The following HIVEP3 variants were observed in gnomAD, a reference collection of about 807,000 sequenced individuals.
HIVEP3 encodes the protein HIVEP zinc finger 3.
A neutral mutation model predicts 152.8 loss-of-function variants in HIVEP3; 49 were observed. The ratio of observed to expected loss-of-function variants is 0.32; its 90% CI spans 0.26 to 0.41. The LOEUF is 0.41. Ranked by LOEUF, HIVEP3 falls within the 10% of genes least tolerant of loss-of-function variation. The pLI, the probability that HIVEP3 is intolerant of heterozygous loss-of-function variation, is 1.00. For synonymous variants in HIVEP3, 1,269 were observed against 1,289.0 expected (o/e 0.98, Z 0.33); for missense variants, 2,790 against 3,103.3 (o/e 0.90, Z 2.40).
At chr1:41,888,880 TCACACACATACCCCA>T (rs1644397987) in intron 1 of HIVEP3, among the ~76,000 whole-genome samples, 1 of 101,242 alleles carries the variant, frequency 9.9e-6, no homozygotes, top group African/African-American at 3.9e-5. Context: ...ACCACATACC[TCACACACATACCCCA>T]CACACGTACA....
intron 7 of HIVEP3, among the ~76,000 whole-genome samples, chr1:41,514,580 T>C (rs1465638695): frequency 6.6e-6 from 1 of 152,216 alleles, no homozygotes; most frequent in East Asian, 1.9e-4. Context: ...CGCTCTTATC[T>C]GAGGAGCCAC....
chr1:41,597,328 A>T (rs1644681638), intron 3 of HIVEP3, among the ~76,000 whole-genome samples: 1 of 152,222 alleles, frequency 6.6e-6, no homozygotes, highest in African/African-American at 2.4e-5. Context: ...GCAATGATGT[A>T]GCAAAAACTC....
intron 1 of HIVEP3, among the ~76,000 whole-genome samples, chr1:41,852,649 A>G (rs112076406): frequency 0.014 from 2,109 of 152,288 alleles, 49 homozygotes; most frequent in African/African-American, 0.048. Context: ...CTCAGTCTTC[A>G]TGGGCTGCAC....
At chr1:42,027,988 G>A (rs918369979) in intron 1 of HIVEP3, among the ~76,000 whole-genome samples, 2 of 151,986 alleles carry the variant, frequency 1.3e-5, no homozygotes, top group Non-Finnish European at 2.9e-5. Context: ...ATATCAGTAG[G>A]GAATGCTCCA....
In HIVEP3 at chr1:41,635,619, TACATAC is replaced by T. The variant is rs1645261512; in HGVS notation, c.-720-6678_-720-6673del. On this transcript the variant is annotated intron_variant, in intron 2 of 8. Coordinates refer to ENST00000372583, the MANE Select transcript of HIVEP3 (RefSeq NM_024503.5). Reference sequence around the variant, plus strand: ...ATACGTATGTATATATACATACATATACATACGTATGTATATATACATACATATACA... The same window carrying T: ...ATACGTATGTATATATACATACATATGTATGTATATATACATACATATACA... Among the ~76,000 whole-genome samples the T allele has an allele frequency of 6.9e-5, 2 of 28,804 alleles. 1 individual carries two copies. Among genetic ancestry groups the T allele is most frequent in the African/African-American group, 7.6e-4 (2 of 2,638 alleles). 18.9% of individuals were successfully genotyped at this position (28,804 alleles called of 152,430 possible).
rs377344776 is a variant in HIVEP3 at position 41,566,806 on chromosome 1, C to T, written c.5207+8738G>A. 3.3e-4 allele frequency among the ~76,000 whole-genome samples: 50 copies of T among 152,240 alleles called. 2 individuals are homozygous for T. The East Asian group carries it at 3.5e-3, about 11-fold the overall frequency. On this transcript the variant is annotated intron_variant, in intron 5 of 8. Coordinates refer to ENST00000372583, the MANE Select transcript of HIVEP3 (RefSeq NM_024503.5). ...GCTGGGTCTCTTCCTGCTTCTCTGGCGATTCCTCCTCAATCTCTTCTGCAG... is the reference window on the plus strand; with the variant it reads ...GCTGGGTCTCTTCCTGCTTCTCTGGTGATTCCTCCTCAATCTCTTCTGCAG...
intron 1 of HIVEP3, among the ~76,000 whole-genome samples, chr1:41,704,908 G>A (rs1646411499): frequency 6.6e-6 from 1 of 152,190 alleles, no homozygotes; most frequent in Non-Finnish European, 1.5e-5. Flanking sequence ...TTATTTTAGA[G>A]CCTACCTTAT....
rs1259400571 is a variant in HIVEP3, at chr1:41,734,021, A to G, written c.-800-33026T>C. On this transcript the variant is annotated intron_variant, in intron 1 of 8. Coordinates refer to ENST00000372583, the MANE Select transcript of HIVEP3 (RefSeq NM_024503.5). The stretch of plus-strand genomic sequence containing the variant: ...TCCCCTTCCTGCCTGGCTGCTGTGC[A>G]AGGTGCAACTCAGCCCTCACCCCCT... 6.0e-5 allele frequency among the ~76,000 whole-genome samples: 9 copies of G among 149,686 alleles called. No individual in the cohort carries two copies. The East Asian group carries it at 1.8e-3, about 29-fold the overall frequency.
intron 1 of HIVEP3, among the ~76,000 whole-genome samples, chr1:41,993,478 A>G (rs1324869823): frequency 6.6e-6 from 1 of 151,708 alleles, no homozygotes; most frequent in Admixed American, 6.6e-5. Flanking sequence ...TAGAATGGCA[A>G]TCATTAAAAA....
At chr1:41,695,714 C>T (rs779521166) in intron 2 of HIVEP3, among the ~76,000 whole-genome samples, 26 of 152,214 alleles carry the variant, frequency 1.7e-4, no homozygotes, top group Non-Finnish European at 3.1e-4. Context: ...AAATGCCCTA[C>T]ATTCTGAAGC....
Position 41,513,257 on chromosome 1 carries a change from G to C in HIVEP3, c.5964C>G (p.Thr1988=), listed in dbSNP as rs756808272. Residue 1988 remains threonine (T), a synonymous_variant, in exon 8 of 9, where the codon ACC becomes ACG. Coordinates refer to ENST00000372583, the MANE Select transcript of HIVEP3 (RefSeq NM_024503.5). ...RPPLARKHSL[T]KNDSSPQRCS... ...ATCGCTGGGGAGATGAGTCGTTTTT[G>C]GTTAGCGAGTGTTTGCGGGCTAGTG... The C allele has an allele frequency of 2.5e-5, 38 of 1,499,026 alleles. 1 individual carries two copies. The Admixed American group carries it at 6.5e-4, about 26-fold the overall frequency. 92.9% of individuals were successfully genotyped at this position (1,499,026 alleles called of 1,614,324 possible).
At chr1:41,840,139 T>C (rs1643244802) in intron 1 of HIVEP3, among the ~76,000 whole-genome samples, 1 of 152,204 alleles carries the variant, frequency 6.6e-6, no homozygotes, top group African/African-American at 2.4e-5. Flanking sequence ...CCCCGCCTCT[T>C]TGTCACTTGT....
Position 41,883,165 on chromosome 1 carries a change from A to G in HIVEP3, c.-801+35248T>C, listed in dbSNP as rs528024243. On this transcript the variant is annotated intron_variant, in intron 1 of 8. Transcript: ENST00000372583. ...TATGAAAGAGCAAAAAGAAAAAAAT[A>G]TATAGACAACCTAGGAGGTCTGAGG... 3.1e-4 allele frequency among the ~76,000 whole-genome samples: 47 copies of G among 152,252 alleles called. No homozygotes were observed. The South Asian group carries it at 4.2e-3, about 13-fold the overall frequency.
chr1:42,026,249 T>A (rs1466711749), intron 1 of HIVEP3, among the ~76,000 whole-genome samples: 1 of 152,170 alleles, frequency 6.6e-6, no homozygotes, highest in East Asian at 1.9e-4. Context: ...TATATGGAGA[T>A]GGTCTCCTAT....
At chr1:41,795,871 G>T (rs889059944) in intron 1 of HIVEP3, among the ~76,000 whole-genome samples, 2 of 151,964 alleles carry the variant, frequency 1.3e-5, no homozygotes, top group East Asian at 3.9e-4. Context: ...AATGTTTTAG[G>T]CTCATTTTTT....
chr1:41,963,247 G>A (rs543541985), intron 1 of HIVEP3, among the ~76,000 whole-genome samples: 2 of 152,226 alleles, frequency 1.3e-5, no homozygotes, highest in Admixed American at 1.3e-4. Context: ...TCCTGACCTC[G>A]TGATCCGCCT....
chr1:41,536,079 A>C (rs1643394130), intron 5 of HIVEP3, among the ~76,000 whole-genome samples: 1 of 152,102 alleles, frequency 6.6e-6, no homozygotes, highest in Non-Finnish European at 1.5e-5. Flanking sequence ...CAAGATGTCA[A>C]AGAGGGGTTG....
intron 1 of HIVEP3, among the ~76,000 whole-genome samples, chr1:41,727,892 A>G (rs777635271): frequency 6.6e-6 from 1 of 152,146 alleles, no homozygotes; most frequent in Non-Finnish European, 1.5e-5. Flanking sequence ...TGAGCCCACC[A>G]CACTGCTGGA....
At chr1:41,656,817 G>C (rs1471026897) in intron 2 of HIVEP3, among the ~76,000 whole-genome samples, 1 of 152,218 alleles carries the variant, frequency 6.6e-6, no homozygotes, top group Non-Finnish European at 1.5e-5. Context: ...GGCAGGACCA[G>C]CATCAGAGTC....
Sources: gnomAD v4.1 joint callset for allele counts (sites outside exome capture counted in the v4.1 genomes callset) on GRCh38, gnomAD v4.1.1 for gene constraint, MANE v1.5 for transcripts, NCBI Gene and HGNC (gene_info 2026-07-23, HGNC 2026-07-21) for gene names.